The following THSD4 variants were observed in gnomAD, a reference collection of about 807,000 sequenced individuals.
The protein encoded by THSD4 is thrombospondin type-1 domain-containing protein 4.
Under a neutral mutation model 119.0 loss-of-function variants are expected in THSD4, and 69 were observed. The observed-to-expected ratio is 0.58, with a 90% CI of 0.48 to 0.71. THSD4 has a LOEUF of 0.71. THSD4 is among the 30% of genes least tolerant of loss of function. The probability of loss-of-function intolerance (pLI) is 0.00; values close to 1 mark genes in which losing one functional copy is unlikely to be tolerated. For missense variants in THSD4, 1,393 were observed against 1,391.1 expected, an observed-to-expected ratio of 1.00 and a Z score of -0.02; for synonymous variants, 524 against 540.4, an observed-to-expected ratio of 0.97 and a Z score of 0.42.
intron 7 of THSD4, among the ~76,000 whole-genome samples, chr15:71,533,562 A>G (rs898824753): frequency 6.6e-5 from 10 of 152,218 alleles, no homozygotes; most frequent in African/African-American, 1.7e-4. Flanking sequence ...CATTATGAAC[A>G]ATACCAAGAT....
chr15:71,662,388 G>A (rs2051328109), intron 8 of THSD4, among the ~76,000 whole-genome samples: 1 of 152,158 alleles, frequency 6.6e-6, no homozygotes, highest in African/African-American at 2.4e-5. Flanking sequence ...GTTTCCCAGT[G>A]AGTGCTTTGT....
chr15:71,543,051 T>C (rs905213496), intron 7 of THSD4, among the ~76,000 whole-genome samples: 2 of 151,748 alleles, frequency 1.3e-5, no homozygotes, highest in South Asian at 4.2e-4. Flanking sequence ...GTCTCCTGGA[T>C]TGGGTCCTGG....
intron 4 of THSD4, among the ~76,000 whole-genome samples, chr15:71,223,824 G>A (rs1478055735): frequency 6.6e-6 from 1 of 152,164 alleles, no homozygotes; most frequent in Non-Finnish European, 1.5e-5. Flanking sequence ...ACTTCATGGT[G>A]GAGGGTACTT....
At chr15:71,569,455 GCCTT>G (rs2049308157) in intron 7 of THSD4, among the ~76,000 whole-genome samples, 1 of 152,134 alleles carries the variant, frequency 6.6e-6, no homozygotes, top group Non-Finnish European at 1.5e-5. Context: ...TATTTATAAT[GCCTT>G]CATTCTAAAA....
At chr15:71,581,314 A>G (rs2049553499) in intron 7 of THSD4, among the ~76,000 whole-genome samples, 1 of 152,168 alleles carries the variant, frequency 6.6e-6, no homozygotes. Flanking sequence ...GATTAGTGAT[A>G]TTGAGCATCT....
Position 71,434,515 on chromosome 15 carries a change from G to A in THSD4, c.1152+22692G>A, listed in dbSNP as rs139350348. Reference sequence around the variant, plus strand: ...AGAAGTCTCCTCTAGATCTCTTCATGTAGTATTGAAGGTGGCAAAAGGAAG... The same window carrying A: ...AGAAGTCTCCTCTAGATCTCTTCATATAGTATTGAAGGTGGCAAAAGGAAG... On this transcript the variant is annotated intron_variant, in intron 7 of 17. Coordinates refer to ENST00000261862, the MANE Select transcript of THSD4 (RefSeq NM_024817.3). Among the ~76,000 whole-genome samples, 524 of 131,212 alleles carry A rather than the reference G, an allele frequency of 4.0e-3. 2 individuals carry two copies. The highest frequency in any genetic ancestry group is 0.014 in the African/African-American group (497 of 34,848). The allele number at this position is 131,212 out of a possible 152,430, so 86.1% of individuals were successfully genotyped here. A position where few individuals can be genotyped will look rare whatever the true frequency, so the allele number is the denominator to read the frequency against.
At position 71,265,570 on chromosome 15, in the gene THSD4, G is replaced by A. The variant is rs184702475; in HGVS notation, c.1015+8855G>A. Among the ~76,000 whole-genome samples the A allele has an allele frequency of 1.9e-3, 285 of 151,616 alleles. 2 individuals carry two copies. Among genetic ancestry groups the A allele is most frequent in the East Asian group, 9.5e-3 (49 of 5,152 alleles). On this transcript the variant is annotated intron_variant, in intron 6 of 17. Coordinates refer to ENST00000261862, the MANE Select transcript of THSD4 (RefSeq NM_024817.3). Reference sequence around the variant, plus strand: ...AGCTAGCTGCAGGAGTTTTTTTTTCGTACCCCAGTGGCGCCTGGAATGCCA... The same window carrying A: ...AGCTAGCTGCAGGAGTTTTTTTTTCATACCCCAGTGGCGCCTGGAATGCCA...
At chr15:71,527,061 C>T (rs548769572) in intron 7 of THSD4, among the ~76,000 whole-genome samples, 55 of 152,230 alleles carry the variant, frequency 3.6e-4, no homozygotes, top group Admixed American at 1.9e-3. Flanking sequence ...GAAGACTCCT[C>T]CCTCATAAAT....
At chr15:71,125,046 C>T (rs1214221828) in intron 1 of THSD4, among the ~76,000 whole-genome samples, 3 of 150,780 alleles carry the variant, frequency 2.0e-5, no homozygotes, top group Non-Finnish European at 4.4e-5. Flanking sequence ...TGCAATCCAA[C>T]CTGGGTGACA....
intron 7 of THSD4, among the ~76,000 whole-genome samples, chr15:71,484,566 C>A (rs2047786017): frequency 6.6e-6 from 1 of 152,232 alleles, no homozygotes; most frequent in African/African-American, 2.4e-5. Context: ...TCCTCATCAT[C>A]CTTTCAGCAT....
In THSD4 at chr15:71,599,821, A is replaced by G. The variant is rs549647044; in HGVS notation, c.1153-60709A>G. Among the ~76,000 whole-genome samples, 4 of 152,290 alleles carry G rather than the reference A, an allele frequency of 2.6e-5. No homozygotes were observed. In the South Asian group the frequency reaches 8.3e-4, roughly 32 times the overall value. ...GCATTGTGTGGAGAGGCCCACTTTG[A>G]GCCGAAACACTGGGAGCCGCATAAA... On this transcript the variant is annotated intron_variant, in intron 7 of 17. Coordinates refer to ENST00000261862, the MANE Select transcript of THSD4 (RefSeq NM_024817.3).
intron 3 of THSD4, among the ~76,000 whole-genome samples, chr15:71,167,768 A>G (rs997756895): frequency 5.9e-5 from 9 of 152,230 alleles, no homozygotes; most frequent in African/African-American, 2.2e-4. Flanking sequence ...GTAGTTTAGT[A>G]TGTATATGAA....
chr15:71,472,393 A>T (rs1458741015), intron 7 of THSD4, among the ~76,000 whole-genome samples: 1 of 152,188 alleles, frequency 6.6e-6, no homozygotes, highest in Non-Finnish European at 1.5e-5. Context: ...TATCATCAAC[A>T]GTTAATTCAT....
chr15:71,735,466 C>T (rs1453561561), intron 10 of THSD4, among the ~76,000 whole-genome samples: 1 of 151,140 alleles, frequency 6.6e-6, no homozygotes, highest in African/African-American at 2.4e-5. Context: ...CTCTCTCTCT[C>T]TCTCTTTCTC....
chr15:71,416,810 G>A lies in THSD4; in HGVS notation c.1152+4987G>A, dbSNP rs1425622790. ...GTCTCACTCTATTGCCCAGGCTGGA[G>A]TGCAGTGGTGCAATCTTGGCTCACT... On this transcript the variant is annotated intron_variant, in intron 7 of 17. Coordinates refer to ENST00000261862, the MANE Select transcript of THSD4 (RefSeq NM_024817.3). Among the ~76,000 whole-genome samples the A allele has an allele frequency of 5.7e-5, 6 of 104,478 alleles. 3 individuals are homozygous for A. The highest frequency in any genetic ancestry group is 2.5e-4 in the Admixed American group (2 of 7,878). 68.5% of individuals were successfully genotyped at this position (104,478 alleles called of 152,430 possible).
At chr15:71,687,598 T>C (rs903114445) in intron 8 of THSD4, among the ~76,000 whole-genome samples, 1 of 151,812 alleles carries the variant, frequency 6.6e-6, no homozygotes, top group Non-Finnish European at 1.5e-5. Context: ...CTACTAAAAA[T>C]ACAAAAATTA....
At chr15:71,702,423 G>A (rs2173877) in intron 8 of THSD4, among the ~76,000 whole-genome samples, 111,991 of 152,042 alleles carry the variant, frequency 0.74, 42,197 homozygotes, top group East Asian at 0.94. Context: ...CATTTTATGT[G>A]TAAGGAAGGG....
chr15:71,610,025 A>T (rs1567061249), intron 7 of THSD4, among the ~76,000 whole-genome samples: 1 of 152,170 alleles, frequency 6.6e-6, no homozygotes, highest in East Asian at 1.9e-4. Flanking sequence ...CGAGACTGTC[A>T]TCGACAATAA....
At chr15:71,390,320 C>T (rs142349907) in intron 6 of THSD4, among the ~76,000 whole-genome samples, 469 of 152,146 alleles carry the variant, frequency 3.1e-3, no homozygotes, top group Non-Finnish European at 5.8e-3. Flanking sequence ...CTGTTTTTGG[C>T]GAACGTCCAT....
Sources: gnomAD v4.1 joint callset for allele counts (sites outside exome capture counted in the v4.1 genomes callset) on GRCh38, gnomAD v4.1.1 for gene constraint, MANE v1.5 for transcripts, NCBI Gene and HGNC (gene_info 2026-07-23, HGNC 2026-07-21) for gene names.